The following NDST3 variants were observed in gnomAD, a reference collection of about 807,000 sequenced individuals.
NDST3 encodes bifunctional heparan sulfate N-deacetylase/N-sulfotransferase 3.
A neutral mutation model predicts 96.1 loss-of-function variants in NDST3; 58 were observed. The ratio of observed to expected loss-of-function variants is 0.60; its 90% CI spans 0.49 to 0.75. NDST3 has a LOEUF of 0.75. Among genes scored for constraint, NDST3 ranks in the 30% least tolerant of loss-of-function variants. The pLI, the probability that NDST3 is intolerant of heterozygous loss-of-function variation, is 0.00. For synonymous variants in NDST3, 333 were observed against 359.7 expected, an observed-to-expected ratio of 0.93 and a Z score of 0.84; for missense variants, 788 against 1,034.2, an observed-to-expected ratio of 0.76 and a Z score of 3.27.
At chr4:118,144,808 C>T (rs567547888) in intron 6 of NDST3, among the ~76,000 whole-genome samples, 1 of 152,070 alleles carries the variant, frequency 6.6e-6, no homozygotes, top group Admixed American at 6.5e-5. Context: ...ATTTGCAAAA[C>T]CCCTCTCTTG....
At chr4:118,222,291 T>C (rs1293584323) in intron 6 of NDST3, among the ~76,000 whole-genome samples, 1 of 151,876 alleles carries the variant, frequency 6.6e-6, no homozygotes, top group Non-Finnish European at 1.5e-5. Flanking sequence ...TCAATTATGT[T>C]CCTTAATGTG....
intron 6 of NDST3, among the ~76,000 whole-genome samples, chr4:118,150,563 A>G (rs1734319603): frequency 6.6e-6 from 1 of 151,046 alleles, no homozygotes; most frequent in Admixed American, 6.6e-5. Flanking sequence ...AACCCCATCA[A>G]AAAGTGGGCG....
intron 2 of NDST3, among the ~76,000 whole-genome samples, chr4:118,100,556 C>T (rs771928380): frequency 2.0e-5 from 3 of 152,046 alleles, no homozygotes; most frequent in Non-Finnish European, 4.4e-5. Flanking sequence ...TACCTTTAGG[C>T]TTTGAAAACT....
chr4:118,078,243 G>A (rs1727731953), intron 2 of NDST3, among the ~76,000 whole-genome samples: 1 of 151,962 alleles, frequency 6.6e-6, no homozygotes, highest in Non-Finnish European at 1.5e-5. Context: ...ATCCCAATGT[G>A]GTTTTTTAGG....
intron 8 of NDST3, among the ~76,000 whole-genome samples, chr4:118,229,373 T>C (rs1274952574): frequency 3.9e-5 from 6 of 152,220 alleles, no homozygotes; most frequent in Non-Finnish European, 8.8e-5. Flanking sequence ...TTTTTCAGTG[T>C]TGAGGCTGAC....
intron 3 of NDST3, among the ~76,000 whole-genome samples, chr4:118,108,462 T>C (rs962508507): frequency 6.6e-6 from 1 of 152,214 alleles, no homozygotes; most frequent in African/African-American, 2.4e-5. Flanking sequence ...CATTTGATAA[T>C]ATGAGCAAGA....
At chr4:118,219,874 A>G (rs1056208060) in intron 6 of NDST3, among the ~76,000 whole-genome samples, 6 of 152,190 alleles carry the variant, frequency 3.9e-5, no homozygotes, top group African/African-American at 1.4e-4. Flanking sequence ...CACTTCTCAA[A>G]AGAAAACTTT....
At chr4:118,191,409 G>A (rs1483712454) in intron 6 of NDST3, among the ~76,000 whole-genome samples, 2 of 152,166 alleles carry the variant, frequency 1.3e-5, no homozygotes, top group Non-Finnish European at 2.9e-5. Flanking sequence ...TTCCAGAAAG[G>A]TGTATTCCAG....
intron 2 of NDST3, among the ~76,000 whole-genome samples, chr4:118,088,542 C>A (rs1429754541): frequency 6.6e-6 from 1 of 152,040 alleles, no homozygotes; most frequent in Non-Finnish European, 1.5e-5. Context: ...AGAAACAACA[C>A]TTCACTCCTA....
intron 4 of NDST3, among the ~76,000 whole-genome samples, chr4:118,120,065 T>C (rs1731431751): frequency 6.6e-6 from 1 of 152,194 alleles, no homozygotes; most frequent in Admixed American, 6.5e-5. Context: ...AGATAAGTTA[T>C]GTATAGAGAA....
intron 3 of NDST3, among the ~76,000 whole-genome samples, chr4:118,113,851 T>A (rs919110876): frequency 1.3e-5 from 2 of 152,084 alleles, no homozygotes; most frequent in African/African-American, 4.8e-5. Context: ...AATTTTGAAA[T>A]GACTAGTATT....
intron 3 of NDST3, among the ~76,000 whole-genome samples, chr4:118,107,024 A>G (rs572505475): frequency 7.7e-4 from 118 of 152,268 alleles, no homozygotes; most frequent in African/African-American, 2.6e-3. Context: ...CAGCAGGCGG[A>G]GCTTGCAGTG....
chr4:118,142,165 G>T (rs780443032), intron 5 of NDST3, among the ~76,000 whole-genome samples: 15 of 151,986 alleles, frequency 9.9e-5, no homozygotes, highest in Admixed American at 6.5e-4. Context: ...TCATGAGGAT[G>T]CATAATGCTT....
chr4:118,230,113 G>C lies in NDST3; in HGVS notation c.1820-2899G>C, dbSNP rs143779362. 9.4e-3 allele frequency among the ~76,000 whole-genome samples: 1,426 copies of C among 152,268 alleles called. 26 individuals carry two copies. Among genetic ancestry groups the C allele is most frequent in the Middle Eastern group, 0.082 (24 of 294 alleles). On this transcript the variant is annotated intron_variant, in intron 8 of 13. Coordinates refer to ENST00000296499, the MANE Select transcript of NDST3 (RefSeq NM_004784.3). The stretch of plus-strand genomic sequence containing the variant: ...TACAAGAATAAAAATCTTGGTCCTA[G>C]AATTTACCTGACTTCAAAAAACATG...
rs139207924 is a variant in NDST3, at chr4:118,235,529, CA to C, written c.1944-1513del. ...TTCAAAGCCTAAACTGTTCCAGATA[CA>C]AAAGACTTCTAGGAAGGTATGGCAG... is the stretch of plus-strand genomic sequence containing the variant. On this transcript the variant is annotated intron_variant, in intron 9 of 13. Coordinates refer to ENST00000296499, the MANE Select transcript of NDST3 (RefSeq NM_004784.3). 3.9e-3 allele frequency among the ~76,000 whole-genome samples: 600 copies of C among 152,232 alleles called. 3 individuals carry two copies. The highest frequency in any genetic ancestry group is 6.9e-3 in the Non-Finnish European group (471 of 68,006).
intron 1 of NDST3, among the ~76,000 whole-genome samples, chr4:118,047,670 T>C (rs1177222698): frequency 6.6e-6 from 1 of 152,208 alleles, no homozygotes; most frequent in African/African-American, 2.4e-5. Context: ...AGACTGGCTC[T>C]TCGGGCCAAC....
intron 1 of NDST3, among the ~76,000 whole-genome samples, chr4:118,048,641 C>T (rs370475322): frequency 1.1e-3 from 168 of 152,190 alleles, no homozygotes; most frequent in African/African-American, 3.9e-3. Context: ...AAGGGCAATA[C>T]ATAACAATAA....
At chr4:118,081,720 T>C (rs764174125) in intron 2 of NDST3, among the ~76,000 whole-genome samples, 1 of 152,162 alleles carries the variant, frequency 6.6e-6, no homozygotes, top group Non-Finnish European at 1.5e-5. Flanking sequence ...TATGCTACTG[T>C]CTCTTTACTT....
chr4:118,104,866 G>C, intron 2 of NDST3, 152 bp from the exon 3 acceptor site: 1 of 572,548 alleles, frequency 1.7e-6, no homozygotes, highest in Non-Finnish European at 3.1e-6. Flanking sequence ...TATCTCTCTA[G>C]TTTTAAAGTG....
Sources: allele counts gnomAD v4.1 joint callset (sites outside exome capture counted in the v4.1 genomes callset), GRCh38; gene constraint gnomAD v4.1.1; transcripts MANE v1.5; gene names NCBI Gene and HGNC (gene_info 2026-07-23, HGNC 2026-07-21).